CDK5RAP2: variants seen among roughly 807,000 people sequenced by gnomAD.
The protein encoded by CDK5RAP2 is CDK5 regulatory subunit associated protein 2.
CDK5RAP2 carries 147 observed loss-of-function variants against 232.9 expected under a neutral mutation model. The observed-to-expected ratio is 0.63, with a 90% CI of 0.55 to 0.72. The LOEUF (loss-of-function observed/expected upper bound fraction) is 0.72. Among genes scored for constraint, CDK5RAP2 ranks in the 30% least tolerant of loss-of-function variants. The pLI is 0.00. For synonymous variants in CDK5RAP2, 833 were observed against 833.7 expected (o/e 1.00, Z 0.01); for missense variants, 2,195 against 2,231.5 (o/e 0.98, Z 0.33).
chr9:120,408,197 G>T, intron 31 of CDK5RAP2, 150 bp downstream of exon 31: 1 of 879,488 alleles, frequency 1.1e-6, no homozygotes, highest in Non-Finnish European at 1.9e-6. Context: ...AAGAAGAGTG[G>T]GTCAAAGAGC....
intron 24 of CDK5RAP2, 46 bp downstream of exon 24, chr9:120,439,353 G>C (rs1413567916): frequency 6.7e-7 from 1 of 1,487,912 alleles, no homozygotes; most frequent in Non-Finnish European, 9.4e-7. Flanking sequence ...TGGCAATACT[G>C]GGGGACTACA....
chr9:120,394,770 C>A, intron 35 of CDK5RAP2, 132 bp from the exon 36 acceptor site: 3 of 819,138 alleles, frequency 3.7e-6, no homozygotes, highest in East Asian at 2.7e-5. Context: ...AACTAGAAGC[C>A]TTTTCCTGAC....
At chr9:120,561,450 C>T (rs1347006082) in intron 3 of CDK5RAP2, among the ~76,000 whole-genome samples, 1 of 152,172 alleles carries the variant, frequency 6.6e-6, no homozygotes, top group Non-Finnish European at 1.5e-5. Context: ...GCACACATCA[C>T]CATGCCCAGC....
At chr9:120,445,205 C>T (rs1024135094) in intron 22 of CDK5RAP2, among the ~76,000 whole-genome samples, 5 of 152,216 alleles carry the variant, frequency 3.3e-5, no homozygotes, top group African/African-American at 1.2e-4. Context: ...TTTCCCATAG[C>T]TCTCATATCA....
At chr9:120,529,051 C>T (rs1404658290) in intron 8 of CDK5RAP2, 3 of 566,174 alleles carry the variant, frequency 5.3e-6, no homozygotes, top group Non-Finnish European at 9.5e-6. Context: ...TGCTGCTTAA[C>T]AAGACAAAGG....
intron 2 of CDK5RAP2, among the ~76,000 whole-genome samples, chr9:120,570,533 T>C (rs1225516643): frequency 6.6e-6 from 1 of 152,194 alleles, no homozygotes; most frequent in Non-Finnish European, 1.5e-5. Context: ...AAATGTATAC[T>C]ATCGGCTAAA....
chr9:120,502,286 G>A (rs866641909), intron 12 of CDK5RAP2, among the ~76,000 whole-genome samples: 4 of 152,170 alleles, frequency 2.6e-5, no homozygotes, highest in African/African-American at 7.2e-5. Context: ...GTGCACACCC[G>A]TTAATTCTAA....
intron 35 of CDK5RAP2, among the ~76,000 whole-genome samples, chr9:120,399,217 T>C (rs569474592): frequency 1.9e-4 from 29 of 152,194 alleles, no homozygotes; most frequent in Admixed American, 4.6e-4. Flanking sequence ...TGTATATATA[T>C]TTTATATGTA....
At position 120,487,351 on chromosome 9, in the gene CDK5RAP2, T is replaced by C; in HGVS notation, c.1569A>G (p.Leu523=). The change falls in exon 14 of 38, where the codon TTA becomes TTG. Residue 523 remains leucine (L), a synonymous_variant. Transcript: ENST00000349780. ...AEDLELRSEG[L]ITEKCSSQQP... ...GTTGAGAAGAGCACTTTTCTGTTAT[T>C]AAGCCTTCACTCCTGAGCTCAAGAT... 6.2e-7 allele frequency: 1 copy of C among 1,614,040 alleles called. No homozygotes were observed. The highest frequency in any genetic ancestry group is 1.1e-5 in the South Asian group (1 of 91,080).
intron 22 of CDK5RAP2, among the ~76,000 whole-genome samples, chr9:120,444,166 C>A (rs2036056658): frequency 6.6e-6 from 1 of 152,242 alleles, no homozygotes; most frequent in Non-Finnish European, 1.5e-5. Flanking sequence ...ATAATCCCAG[C>A]ACTTCGGGAG....
At chr9:120,409,377 T>C in intron 29 of CDK5RAP2, 61 bp from the exon 30 acceptor site, 2 of 1,167,922 alleles carry the variant, frequency 1.7e-6, no homozygotes, top group East Asian at 2.6e-5. Flanking sequence ...AACCTTATTA[T>C]ATAAATACAG....
At chr9:120,489,701 T>C (rs111557210) in intron 13 of CDK5RAP2, among the ~76,000 whole-genome samples, 2 of 152,342 alleles carry the variant, frequency 1.3e-5, no homozygotes, top group African/African-American at 4.8e-5. Context: ...AAAGGAGTTA[T>C]AGCCCTGAAA....
intron 6 of CDK5RAP2, among the ~76,000 whole-genome samples, chr9:120,536,897 C>A (rs1320203362): frequency 2.0e-5 from 3 of 152,004 alleles, no homozygotes; most frequent in Non-Finnish European, 2.9e-5. Context: ...ATCCTACACA[C>A]CCCCACCGCC....
chr9:120,443,864 G>A, intron 22 of CDK5RAP2, 122 bp from the exon 23 acceptor site: 1 of 1,250,992 alleles, frequency 8.0e-7, no homozygotes, highest in Non-Finnish European at 1.1e-6. Flanking sequence ...GAGGCAAAAT[G>A]CAATTTATAA....
In CDK5RAP2 at chr9:120,389,132, C is replaced by T; in HGVS notation, c.*104G>A. On this transcript the variant is annotated 3_prime_UTR_variant, in exon 38 of 38. Coordinates refer to ENST00000349780, the MANE Select transcript of CDK5RAP2 (RefSeq NM_018249.6). The stretch of plus-strand genomic sequence containing the variant: ...AAGGGAAAAAATAGATTTCCTTTGG[C>T]CAGACAGCTCTTTCTTCCTCAATAA... 1 of 977,556 alleles carries T rather than the reference C, an allele frequency of 1.0e-6. No individual in the cohort carries two copies. Among genetic ancestry groups the T allele is most frequent in the Non-Finnish European group, 1.6e-6 (1 of 630,898 alleles). The allele number at this position is 977,556 out of a possible 1,614,324, so 60.6% of individuals were successfully genotyped here.
intron 34 of CDK5RAP2, among the ~76,000 whole-genome samples, chr9:120,401,610 CAAAAAAAAAAAAAA>C (rs142588120): frequency 1.6e-5 from 1 of 61,532 alleles, no homozygotes; most frequent in Non-Finnish European, 3.0e-5. Context: ...GACCCTGTCT[CAAAAAAAAAAAAAA>C]AAAAAAAAAG....
At chr9:120,449,519 T>C (rs957056563) in intron 21 of CDK5RAP2, among the ~76,000 whole-genome samples, 8 of 152,200 alleles carry the variant, frequency 5.3e-5, no homozygotes, top group African/African-American at 1.9e-4. Flanking sequence ...TAGTACACAG[T>C]AGGTACTCAA....
Position 120,530,076 on chromosome 9 carries a change from C to A in CDK5RAP2, c.727G>T (p.Glu243Ter). Residue 243 changes from glutamate to a stop codon, truncating the protein, a stop_gained, in exon 8 of 38, where the codon GAG becomes TAG. Coordinates refer to ENST00000349780, the MANE Select transcript of CDK5RAP2 (RefSeq NM_018249.6). LOFTEE classifies it high-confidence loss of function. ...KEALIQCLKE[E>*]KSQMACPDEN... ...TCAGGACATGCCATCTGAGATTTCTCCTCTTTAAGGCACTGAATTAAAGCT... is the reference window on the plus strand; with the variant it reads ...TCAGGACATGCCATCTGAGATTTCTACTCTTTAAGGCACTGAATTAAAGCT... 1 of 1,613,970 alleles carries A rather than the reference C, an allele frequency of 6.2e-7. No individual in the cohort carries two copies. Among genetic ancestry groups the A allele is most frequent in the Non-Finnish European group, 8.5e-7 (1 of 1,179,902 alleles).
chr9:120,436,042 T>C (rs920468178), intron 25 of CDK5RAP2, among the ~76,000 whole-genome samples: 24 of 152,332 alleles, frequency 1.6e-4, no homozygotes, highest in African/African-American at 5.5e-4. Context: ...AAGTATCTTC[T>C]ACAAATTATT....
Sources: allele counts gnomAD v4.1 joint callset (sites outside exome capture counted in the v4.1 genomes callset), GRCh38; gene constraint gnomAD v4.1.1; transcripts MANE v1.5; gene names NCBI Gene and HGNC (gene_info 2026-07-23, HGNC 2026-07-21).